NELL1: variants seen among roughly 807,000 people sequenced by gnomAD.
The protein encoded by NELL1 is protein kinase C-binding protein NELL1.
NELL1 carries 76 observed loss-of-function variants against 107.4 expected under a neutral mutation model. The ratio of observed to expected loss-of-function variants is 0.71; its 90% CI spans 0.59 to 0.86. The LOEUF is 0.86. Among genes scored for constraint, NELL1 ranks in the 40% least tolerant of loss-of-function variants. The pLI, the probability that NELL1 is intolerant of heterozygous loss-of-function variation, is 0.00. For missense variants in NELL1, 1,024 were observed against 1,005.5 expected (o/e 1.02, Z -0.25); for synonymous variants, 353 against 341.2 (o/e 1.03, Z -0.38).
chr11:20,730,857 A>G (rs985274590), intron 2 of NELL1, among the ~76,000 whole-genome samples: 3 of 152,178 alleles, frequency 2.0e-5, no homozygotes, highest in Non-Finnish European at 2.9e-5. Flanking sequence ...GTTTATACCC[A>G]AGGAAGAACT....
intron 13 of NELL1, among the ~76,000 whole-genome samples, chr11:21,127,444 T>A (rs760034201): frequency 7.9e-5 from 12 of 151,640 alleles, no homozygotes; most frequent in Non-Finnish European, 1.5e-4. Context: ...AAGAAAAAAA[T>A]TTAAAAAATT....
intron 4 of NELL1, among the ~76,000 whole-genome samples, chr11:20,862,168 G>A (rs1356004760): frequency 6.6e-6 from 1 of 152,156 alleles, no homozygotes; most frequent in Non-Finnish European, 1.5e-5. Context: ...TGTTTAATAT[G>A]TGCCATCATG....
At chr11:21,256,249 T>G (rs1427667242) in intron 14 of NELL1, among the ~76,000 whole-genome samples, 2 of 152,094 alleles carry the variant, frequency 1.3e-5, no homozygotes, top group African/African-American at 4.8e-5. Context: ...AATCTTTATA[T>G]AATGTATATT....
At chr11:20,798,413 G>A (rs1857216964) in intron 3 of NELL1, among the ~76,000 whole-genome samples, 2 of 152,208 alleles carry the variant, frequency 1.3e-5, no homozygotes, top group South Asian at 4.1e-4. Flanking sequence ...AGCTAATGTA[G>A]CCATTAACCT....
intron 13 of NELL1, among the ~76,000 whole-genome samples, chr11:21,217,195 T>C (rs921333432): frequency 6.6e-6 from 1 of 152,198 alleles, no homozygotes; most frequent in African/African-American, 2.4e-5. Flanking sequence ...TCCATGACTG[T>C]AAGTTTCCTG....
chr11:21,541,171 T>C (rs1043575397), intron 16 of NELL1, among the ~76,000 whole-genome samples: 2 of 151,918 alleles, frequency 1.3e-5, no homozygotes, highest in African/African-American at 2.4e-5. Flanking sequence ...AGAAAGCCCA[T>C]GTTGTTGCTG....
intron 2 of NELL1, among the ~76,000 whole-genome samples, chr11:20,689,162 G>C (rs1300307194): frequency 1.3e-5 from 2 of 151,976 alleles, no homozygotes; most frequent in Non-Finnish European, 2.9e-5. Flanking sequence ...GTTCCTTATA[G>C]ATTCTGGTCT....
chr11:21,444,460 T>C (rs1441833725), intron 15 of NELL1, among the ~76,000 whole-genome samples: 1 of 152,194 alleles, frequency 6.6e-6, no homozygotes, highest in African/African-American at 2.4e-5. Flanking sequence ...CTACCCAGCC[T>C]GTTTGAACAC....
Position 21,522,050 on chromosome 11 carries a change from T to C in NELL1, c.1646-12324T>C, listed in dbSNP as rs533124526. Among the ~76,000 whole-genome samples, 364 of 152,282 alleles carry C rather than the reference T, an allele frequency of 2.4e-3. 1 individual carries two copies. The highest frequency in any genetic ancestry group is 4.5e-3 in the Non-Finnish European group (303 of 68,016). On this transcript the variant is annotated intron_variant, in intron 15 of 19. Transcript: ENST00000357134. ...AAATATTTTCTTCCATTCTGCAGACTGTCTCTTCACTCTGTTGTGCCCAAA... is the reference window on the plus strand; with the variant it reads ...AAATATTTTCTTCCATTCTGCAGACCGTCTCTTCACTCTGTTGTGCCCAAA...
intron 12 of NELL1, among the ~76,000 whole-genome samples, chr11:21,004,416 A>G (rs1270459106): frequency 6.6e-6 from 1 of 152,144 alleles, no homozygotes; most frequent in South Asian, 2.1e-4. Context: ...TGATTCTAAT[A>G]TCATCCCCAT....
intron 15 of NELL1, among the ~76,000 whole-genome samples, chr11:21,418,893 T>C (rs528616722): frequency 1.3e-5 from 2 of 152,250 alleles, no homozygotes; most frequent in Admixed American, 6.5e-5. Context: ...CCAATCTTCA[T>C]GAGCACGTAA....
At chr11:20,863,968 C>A (rs1464532709) in intron 4 of NELL1, among the ~76,000 whole-genome samples, 1 of 152,098 alleles carries the variant, frequency 6.6e-6, no homozygotes, top group Non-Finnish European at 1.5e-5. Context: ...ACCAGTCAGG[C>A]GTGGCGGCGC....
intron 12 of NELL1, among the ~76,000 whole-genome samples, chr11:20,983,318 A>G (rs1329604725): frequency 6.6e-6 from 1 of 152,042 alleles, no homozygotes; most frequent in African/African-American, 2.4e-5. Flanking sequence ...GATCCCAGAC[A>G]TTGGCCTCTG....
At chr11:21,317,149 A>G (rs922486049) in intron 14 of NELL1, among the ~76,000 whole-genome samples, 9 of 152,116 alleles carry the variant, frequency 5.9e-5, no homozygotes, top group African/African-American at 7.2e-5. Flanking sequence ...AGACTAGAGC[A>G]AGAATTTATG....
chr11:21,530,198 G>T (rs550178177), intron 15 of NELL1, among the ~76,000 whole-genome samples: 1 of 152,014 alleles, frequency 6.6e-6, no homozygotes, highest in African/African-American at 2.4e-5. Context: ...TCTTAGGAAA[G>T]GTATAATCTA....
chr11:21,304,680 T>A (rs188802762), intron 14 of NELL1, among the ~76,000 whole-genome samples: 80 of 152,056 alleles, frequency 5.3e-4, no homozygotes, highest in Middle Eastern at 3.4e-3. Flanking sequence ...TCTTCTGCAC[T>A]CCTATTTTGT....
intron 3 of NELL1, among the ~76,000 whole-genome samples, chr11:20,842,757 G>A (rs1590342251): frequency 6.6e-6 from 1 of 152,304 alleles, no homozygotes; most frequent in East Asian, 1.9e-4. Flanking sequence ...GATTACATGA[G>A]TAAATATTTG....
intron 2 of NELL1, among the ~76,000 whole-genome samples, chr11:20,756,865 C>G: frequency 6.6e-6 from 1 of 152,076 alleles, no homozygotes; most frequent in Non-Finnish European, 1.5e-5. Context: ...GTATTCAGTT[C>G]TGGGCAATGC....
chr11:21,239,381 TC>T (rs537642371), intron 14 of NELL1, among the ~76,000 whole-genome samples: 167 of 152,092 alleles, frequency 1.1e-3, no homozygotes, highest in African/African-American at 3.9e-3. Context: ...AAAATAAAAA[TC>T]AATAATTCAA....
Sources: allele counts gnomAD v4.1 joint callset (sites outside exome capture counted in the v4.1 genomes callset), GRCh38; gene constraint gnomAD v4.1.1; transcripts MANE v1.5; gene names NCBI Gene and HGNC (gene_info 2026-07-23, HGNC 2026-07-21).